The following RALGAPB variants were observed in gnomAD, a reference collection of about 807,000 sequenced individuals.
The protein encoded by RALGAPB is ral GTPase-activating protein subunit beta.
A neutral mutation model predicts 161.1 loss-of-function variants in RALGAPB; 25 were observed. The ratio of observed to expected loss-of-function variants is 0.16; its 90% CI spans 0.11 to 0.22. RALGAPB has a LOEUF of 0.22. Among genes scored for constraint, RALGAPB ranks in the 10% least tolerant of loss-of-function variants. The pLI, the probability that RALGAPB is intolerant of heterozygous loss-of-function variation, is 1.00. For missense variants in RALGAPB, 1,391 were observed against 1,815.2 expected (o/e 0.77, Z 4.25); for synonymous variants, 629 against 626.1 (o/e 1.00, Z -0.07).
rs777471319 is a variant in RALGAPB at position 38,574,960 on chromosome 20, G to A, written c.4478G>A (p.Ser1493Asn). 1.9e-6 allele frequency: 3 copies of A among 1,608,334 alleles called. No individual in the cohort carries two copies. The highest frequency in any genetic ancestry group is 3.3e-5 in the Admixed American group (2 of 60,018). Residue 1493 changes from serine to asparagine, a missense_variant, in exon 30 of 30, where the codon AGT (serine) becomes AAT (asparagine). By Grantham distance (46) the Ser-to-Asn change is conservative (BLOSUM62 1). Coordinates refer to ENST00000262879, the MANE Select transcript of RALGAPB (RefSeq NM_020336.4). Reference sequence around the variant, plus strand: ...CAGGAGGTTGGACTCAAGAACTGCAGTTCTTAGACCACTGAATTTCTAAGA... The same window carrying A: ...CAGGAGGTTGGACTCAAGAACTGCAATTCTTAGACCACTGAATTTCTAAGA... ...LFQEVGLKNCSS is the reference protein window; with the variant it reads ...LFQEVGLKNCNS
Position 38,565,385 on chromosome 20 carries a change from G to A in RALGAPB, c.3724G>A (p.Ala1242Thr). 6.2e-7 allele frequency: 1 copy of A among 1,613,542 alleles called. No homozygotes were observed. The highest frequency in any genetic ancestry group is 8.5e-7 in the Non-Finnish European group (1 of 1,179,636). The part of the protein sequence containing the change: ...QEVISSEDIG[A>T]SIFNGQKKVL... ...AGTGATTTCCTCTGAAGATATTGGA[G>A]CTAGCATTTTCAATGGACAGAAGAA... The change falls in exon 25 of 30, where the codon GCT becomes ACT. Residue 1242 changes from alanine (A) to threonine (T), a missense_variant. Physicochemically the swap from Ala to Thr is moderately conservative, Grantham distance 58. Coordinates refer to ENST00000262879, the MANE Select transcript of RALGAPB (RefSeq NM_020336.4).
chr20:38,555,369 G>A (rs1389724797), intron 22 of RALGAPB, among the ~76,000 whole-genome samples: 1 of 152,144 alleles, frequency 6.6e-6, no homozygotes, highest in Non-Finnish European at 1.5e-5. Context: ...GCATGTAGCG[G>A]GAAAATTTTT....
intron 16 of RALGAPB, among the ~76,000 whole-genome samples, 171 bp downstream of exon 16, chr20:38,535,378 A>G (rs533844917): frequency 1.3e-5 from 2 of 152,372 alleles, no homozygotes; most frequent in East Asian, 3.9e-4. Context: ...CTATGCAATG[A>G]ACTTTACTTT....
At chr20:38,480,845 C>T (rs553086075) in intron 1 of RALGAPB, among the ~76,000 whole-genome samples, 2 of 148,896 alleles carry the variant, frequency 1.3e-5, no homozygotes, top group Non-Finnish European at 3.0e-5. Context: ...TCACACCGTT[C>T]TCCTGCCTCA....
At chr20:38,473,385 G>T (rs900755947) in intron 1 of RALGAPB, among the ~76,000 whole-genome samples, 1 of 152,214 alleles carries the variant, frequency 6.6e-6, no homozygotes, top group African/African-American at 2.4e-5. Context: ...CTCCCGCAAA[G>T]AATTTGGTCC....
At chr20:38,565,333 A>G in intron 24 of RALGAPB, 26 bp from the exon 25 acceptor site, 1 of 1,611,984 alleles carries the variant, frequency 6.2e-7, no homozygotes, top group Non-Finnish European at 8.5e-7. Flanking sequence ...TTGAAGCGGT[A>G]ATGTAGTGTT....
At chr20:38,496,749 A>G (rs2122926170) in intron 3 of RALGAPB, among the ~76,000 whole-genome samples, 1 of 152,310 alleles carries the variant, frequency 6.6e-6, no homozygotes, top group Admixed American at 6.5e-5. Flanking sequence ...ATCTTTGGCT[A>G]AGTGTCTTTT....
intron 15 of RALGAPB, among the ~76,000 whole-genome samples, chr20:38,534,833 G>A (rs943205132): frequency 6.6e-6 from 1 of 152,146 alleles, no homozygotes. Flanking sequence ...CAAATCCCAC[G>A]GTTGTGTCAA....
chr20:38,479,183 T>C (rs963088716), intron 1 of RALGAPB, among the ~76,000 whole-genome samples: 14 of 152,210 alleles, frequency 9.2e-5, no homozygotes, highest in African/African-American at 3.1e-4. Flanking sequence ...TGGGCAGCCA[T>C]TGTGTTTTGT....
chr20:38,502,522 G>A (rs2085625552), intron 5 of RALGAPB, among the ~76,000 whole-genome samples: 1 of 152,166 alleles, frequency 6.6e-6, no homozygotes, highest in African/African-American at 2.4e-5. Context: ...GTAAACAGAT[G>A]ACATAAACTT....
At chr20:38,513,995 T>C (rs2086051960) in intron 6 of RALGAPB, among the ~76,000 whole-genome samples, 1 of 152,132 alleles carries the variant, frequency 6.6e-6, no homozygotes, top group Admixed American at 6.5e-5. Context: ...GTCGAGTCTT[T>C]TTTAGAGGTA....
rs1165286356 is a variant in RALGAPB, at chr20:38,548,630, GT to G, written c.2903-56del. On this transcript the variant is annotated intron_variant, in intron 19 of 29. Transcript: ENST00000262879. Reference sequence around the variant, plus strand: ...TGAGAAGCTCTGCAGTTGATAACAAGTTTATTTTAAATGGTTGTTGTCTGAA... The same window carrying G: ...TGAGAAGCTCTGCAGTTGATAACAAGTTATTTTAAATGGTTGTTGTCTGAA... 5.1e-6 allele frequency: 7 copies of G among 1,359,290 alleles called. No individual in the cohort carries two copies. The African/African-American group carries it at 1.0e-4, about 20-fold the overall frequency. 84.2% of individuals were successfully genotyped at this position (1,359,290 alleles called of 1,614,324 possible). A position where few individuals can be genotyped will look rare whatever the true frequency, so the allele number is the denominator to read the frequency against.
At chr20:38,565,264 C>A in intron 24 of RALGAPB, 95 bp from the exon 25 acceptor site, 1 of 1,370,084 alleles carries the variant, frequency 7.3e-7, no homozygotes, top group Non-Finnish European at 1.0e-6. Context: ...TTCTATTTAT[C>A]ACTTTATTAA....
At chr20:38,474,539 A>G (rs2084749066) in intron 1 of RALGAPB, among the ~76,000 whole-genome samples, 1 of 152,100 alleles carries the variant, frequency 6.6e-6, no homozygotes, top group Admixed American at 6.5e-5. Flanking sequence ...ATGGTCTGCC[A>G]TAGTGGTGGG....
chr20:38,572,261 A>G (rs1568989273), intron 28 of RALGAPB, among the ~76,000 whole-genome samples: 1 of 152,254 alleles, frequency 6.6e-6, no homozygotes, highest in African/African-American at 2.4e-5. Context: ...AAGGATAAAA[A>G]GAGAATAATC....
In RALGAPB at chr20:38,521,685, G is replaced by A. The variant is rs2086294810; in HGVS notation, c.1606G>A (p.Ala536Thr). Residue 536 changes from alanine (A) to threonine (T), a missense_variant, in exon 10 of 30, where the codon GCT (alanine) becomes ACT (threonine). This residue lies in a region of RALGAPB where 946 missense variants were observed against 1,257.2 expected (regional missense o/e 0.75). Coordinates refer to ENST00000262879, the MANE Select transcript of RALGAPB (RefSeq NM_020336.4). ...SKKTGEEILP[A>T]YLSRFYMLLI... ...GAAGACTGGAGAAGAGATTCTGCCA[G>A]CTTATTTATCCAGGTCTTGGAATTT... 1.2e-6 allele frequency: 2 copies of A among 1,613,748 alleles called. No homozygotes were observed. Among genetic ancestry groups the A allele is most frequent in the Non-Finnish European group, 8.5e-7 (1 of 1,179,954 alleles).
chr20:38,542,009 G>A (rs965072253), intron 18 of RALGAPB, among the ~76,000 whole-genome samples: 1 of 152,170 alleles, frequency 6.6e-6, no homozygotes, highest in African/African-American at 2.4e-5. Context: ...AGAGAAAGTT[G>A]AGAGAGTTTT....
rs201389786 is a variant in RALGAPB at position 38,558,341 on chromosome 20, C to G, written c.3419C>G (p.Ser1140Cys). ...RLPPHLIALD[S>C]TIPGFFDDIG... ...CCTCCTCACCTTATTGCACTTGATT[C>G]CACGATACCTGGATTTTTTGATGAC... Residue 1140 changes from serine (S) to cysteine (C), a missense_variant, in exon 23 of 30, where the codon TCC (serine) becomes TGC (cysteine). By Grantham distance (112) the Ser-to-Cys change is moderately radical. Coordinates refer to ENST00000262879, the MANE Select transcript of RALGAPB (RefSeq NM_020336.4). 2 of 1,602,992 alleles carry G rather than the reference C, an allele frequency of 1.2e-6. No homozygotes were observed. Among genetic ancestry groups the G allele is most frequent in the African/African-American group, 1.3e-5 (1 of 74,692 alleles).
At chr20:38,480,350 T>C (rs2084929489) in intron 1 of RALGAPB, among the ~76,000 whole-genome samples, 1 of 149,156 alleles carries the variant, frequency 6.7e-6, no homozygotes, top group South Asian at 2.1e-4. Flanking sequence ...CTGAAGCAAG[T>C]TTCCTTTCTT....
Sources: gnomAD v4.1 joint callset for allele counts (sites outside exome capture counted in the v4.1 genomes callset) on GRCh38, gnomAD v4.1.1 for gene constraint, gnomAD v4.1.1 regional missense constraint, MANE v1.5 for transcripts, NCBI Gene and HGNC (gene_info 2026-07-23, HGNC 2026-07-21) for gene names.